Variants in MALRD1 observed in about 807,000 individuals in gnomAD.
The protein encoded by MALRD1 is MAM and LDL receptor class A domain containing 1.
A neutral mutation model predicts 242.1 loss-of-function variants in MALRD1; 247 were observed. The observed-to-expected ratio is 1.02, with a 90% CI of 0.92 to 1.13. The LOEUF (loss-of-function observed/expected upper bound fraction) is 1.13. Ranked by LOEUF, MALRD1 falls within the 50% of genes most tolerant of loss-of-function variation. MALRD1 has a pLI of 0.00. For missense variants in MALRD1, 2,989 were observed against 2,533.1 expected (o/e 1.18, Z -3.86); for synonymous variants, 995 against 866.6 (o/e 1.15, Z -2.60).
chr10:19,537,353 G>A (rs1834732653), intron 32 of MALRD1, among the ~76,000 whole-genome samples: 2 of 152,156 alleles, frequency 1.3e-5, no homozygotes, highest in South Asian at 4.1e-4. Flanking sequence ...ACCATTGACT[G>A]CATGACTTAT....
chr10:19,283,992 G>A (rs1288057840), intron 21 of MALRD1, among the ~76,000 whole-genome samples: 5 of 152,158 alleles, frequency 3.3e-5, no homozygotes, highest in Admixed American at 6.5e-5. Context: ...CTACACAGCA[G>A]AAGGGAAACA....
intron 39 of MALRD1, among the ~76,000 whole-genome samples, chr10:19,733,291 C>T (rs1370593124): frequency 3.3e-5 from 5 of 152,180 alleles, no homozygotes; most frequent in Non-Finnish European, 5.9e-5. Flanking sequence ...ATTGTTGTTT[C>T]ACCTCTACTG....
intron 36 of MALRD1, among the ~76,000 whole-genome samples, chr10:19,625,105 T>G (rs747977209): frequency 1.2e-4 from 18 of 151,832 alleles, no homozygotes; most frequent in Non-Finnish European, 2.2e-4. Context: ...AATTAAGTAC[T>G]TTTCCCAGAG....
intron 18 of MALRD1, among the ~76,000 whole-genome samples, chr10:19,235,911 T>C (rs1053327828): frequency 6.6e-6 from 1 of 152,020 alleles, no homozygotes; most frequent in Non-Finnish European, 1.5e-5. Context: ...GAAATAACAG[T>C]CTGTGGGTTG....
rs548798976 is a variant in MALRD1, at chr10:19,287,621, A to T, written c.3419+4440A>T. The stretch of plus-strand genomic sequence containing the variant: ...AGTTGCAAAATCAATTTGCATTCCC[A>T]CACACCAAGTAGGGAAAATGATTGA... On this transcript the variant is annotated intron_variant, in intron 21 of 39. Coordinates refer to ENST00000454679, the MANE Select transcript of MALRD1 (RefSeq NM_001142308.3). Among the ~76,000 whole-genome samples, 7 of 152,176 alleles carry T rather than the reference A, an allele frequency of 4.6e-5. No homozygotes were observed. In the East Asian group the frequency reaches 1.4e-3, roughly 29 times the overall value.
chr10:19,111,884 A>G (rs182580451), intron 5 of MALRD1, among the ~76,000 whole-genome samples: 4 of 152,336 alleles, frequency 2.6e-5, no homozygotes, highest in Non-Finnish European at 1.5e-5. Flanking sequence ...GATTAATAAT[A>G]GAGGAAAAAC....
intron 36 of MALRD1, among the ~76,000 whole-genome samples, chr10:19,675,726 G>A (rs1842110954): frequency 6.6e-6 from 1 of 152,162 alleles, no homozygotes; most frequent in Non-Finnish European, 1.5e-5. Flanking sequence ...TACTGTGATG[G>A]TAATGCATAT....
chr10:19,531,459 GA>G (rs1834413469), intron 32 of MALRD1, 108 bp downstream of exon 32: 2 of 1,054,380 alleles, frequency 1.9e-6, no homozygotes, highest in African/African-American at 3.3e-5. Flanking sequence ...CGCCAGTGCT[GA>G]TGCCATTAAT....
intron 18 of MALRD1, among the ~76,000 whole-genome samples, chr10:19,215,653 C>G (rs1564473080): frequency 2.0e-5 from 3 of 152,040 alleles, no homozygotes; most frequent in Admixed American, 2.0e-4. Flanking sequence ...GCTAGGGGCT[C>G]TTTTCAAACT....
chr10:19,138,082 G>A (rs566945324), intron 10 of MALRD1, among the ~76,000 whole-genome samples: 1 of 152,230 alleles, frequency 6.6e-6, no homozygotes, highest in African/African-American at 2.4e-5. Flanking sequence ...AACGCGGAGG[G>A]ACACAGGAGA....
rs144043274 is a variant in MALRD1, at chr10:19,348,664, A to C, written c.4149+646A>C. ...AAAGCAGCAGCCTCATACGATAACT[A>C]TGTATTTACAGGGTTTTCCACCTTC... On this transcript the variant is annotated intron_variant, in intron 25 of 39. Coordinates refer to ENST00000454679, the MANE Select transcript of MALRD1 (RefSeq NM_001142308.3). Among the ~76,000 whole-genome samples, 33 of 152,236 alleles carry C rather than the reference A, an allele frequency of 2.2e-4. No individual in the cohort carries two copies. In the East Asian group the frequency reaches 5.0e-3, roughly 23 times the overall value.
chr10:19,309,317 A>T (rs1361350691), intron 21 of MALRD1, among the ~76,000 whole-genome samples: 1 of 151,516 alleles, frequency 6.6e-6, no homozygotes, highest in Non-Finnish European at 1.5e-5. Context: ...TTAAGAATTT[A>T]TAGTATCTCT....
At chr10:19,218,542 C>A (rs1390633911) in intron 18 of MALRD1, among the ~76,000 whole-genome samples, 1 of 152,064 alleles carries the variant, frequency 6.6e-6, no homozygotes, top group African/African-American at 2.4e-5. Flanking sequence ...GTTTTCATTT[C>A]TATCATTAAT....
At chr10:19,634,379 A>G (rs953213762) in intron 36 of MALRD1, among the ~76,000 whole-genome samples, 1 of 152,116 alleles carries the variant, frequency 6.6e-6, no homozygotes, top group Non-Finnish European at 1.5e-5. Flanking sequence ...GTTACGCAAG[A>G]CTGAGCATTT....
intron 8 of MALRD1, among the ~76,000 whole-genome samples, chr10:19,131,001 A>G (rs1432703048): frequency 6.6e-6 from 1 of 152,172 alleles, no homozygotes; most frequent in Non-Finnish European, 1.5e-5. Context: ...ATGGATGTAC[A>G]TCTTAGAGAT....
At chr10:19,679,615 G>A (rs1311932623) in intron 36 of MALRD1, among the ~76,000 whole-genome samples, 8 of 151,750 alleles carry the variant, frequency 5.3e-5, no homozygotes, top group Admixed American at 2.6e-4. Flanking sequence ...TGCTGGATTC[G>A]TTGATCTTTT....
At chr10:19,295,114 C>T (rs1004206162) in intron 21 of MALRD1, among the ~76,000 whole-genome samples, 4 of 151,918 alleles carry the variant, frequency 2.6e-5, no homozygotes, top group Non-Finnish European at 2.9e-5. Flanking sequence ...AATCAATCTT[C>T]GTTGAACAAT....
chr10:19,291,998 G>A lies in MALRD1; in HGVS notation c.3419+8817G>A, dbSNP rs565753606. Among the ~76,000 whole-genome samples, 4 of 143,796 alleles carry A rather than the reference G, an allele frequency of 2.8e-5. No homozygotes were observed. The South Asian group carries it at 6.7e-4, about 24-fold the overall frequency. The allele number at this position is 143,796 out of a possible 152,430, so 94.3% of individuals were successfully genotyped here. A position where few individuals can be genotyped will look rare whatever the true frequency, so the allele number is the denominator to read the frequency against. On this transcript the variant is annotated intron_variant, in intron 21 of 39. Coordinates refer to ENST00000454679, the MANE Select transcript of MALRD1 (RefSeq NM_001142308.3). ...TTACTCAGGAGGCTGAGTCAGAATA[G>A]CTACAACCTGGAAGGCGGAGTTTGC...
At chr10:19,691,427 A>G (rs150678570) in intron 36 of MALRD1, among the ~76,000 whole-genome samples, 157 of 152,214 alleles carry the variant, frequency 1.0e-3, no homozygotes, top group Non-Finnish European at 2.0e-3. Flanking sequence ...ATTGCTTCTA[A>G]CACTCAGTTT....
Sources: gnomAD v4.1 joint callset for allele counts (sites outside exome capture counted in the v4.1 genomes callset) on GRCh38, gnomAD v4.1.1 for gene constraint, MANE v1.5 for transcripts, NCBI Gene and HGNC (gene_info 2026-07-23, HGNC 2026-07-21) for gene names.